PUDP: variants seen among roughly 807,000 people sequenced by gnomAD.
PUDP encodes the protein pseudouridine 5'-phosphatase.
In PUDP, 8 loss-of-function variants were observed where a neutral mutation model predicts 9.4. That is an observed-to-expected ratio of 0.85 (90% confidence interval 0.50 to 1.53). PUDP has a LOEUF of 1.53. Ranked by LOEUF, PUDP falls within the 40% of genes most tolerant of loss-of-function variation. The probability of loss-of-function intolerance (pLI) is 0.00; values close to 1 mark genes in which losing one functional copy is unlikely to be tolerated. For missense variants in PUDP, 188 were observed against 189.7 expected (o/e 0.99, Z 0.05); for synonymous variants, 99 against 80.7 (o/e 1.23, Z -1.22).
chrX:6,920,860 C>T (rs1029292453), intron 3 of PUDP, among the ~76,000 whole-genome samples: 10 of 111,544 alleles, frequency 9.0e-5, no homozygotes, highest in Non-Finnish European at 1.1e-4. Context: ...TTAACTAAGA[C>T]CTGTCTCAAA....
chrX:7,120,202 G>T (rs1167173273), intron 1 of PUDP, among the ~76,000 whole-genome samples: 1 of 112,001 alleles, frequency 8.9e-6, no homozygotes, highest in Non-Finnish European at 1.9e-5. Flanking sequence ...CAGAACCTGT[G>T]AATGTTAAAT....
chrX:7,143,640 G>C (rs1932818990), intron 1 of PUDP, among the ~76,000 whole-genome samples: 1 of 112,251 alleles, frequency 8.9e-6, no homozygotes, highest in Non-Finnish European at 1.9e-5. Flanking sequence ...ACCAAACGGA[G>C]CTAAATCTAT....
At chrX:6,968,301 T>C (rs1195931182) in intron 3 of PUDP, among the ~76,000 whole-genome samples, 2 of 112,112 alleles carry the variant, frequency 1.8e-5, no homozygotes, top group Non-Finnish European at 3.8e-5. Flanking sequence ...GAGACGCAAA[T>C]GCAAAATTCT....
chrX:6,742,493 G>C (rs1288956670), intron 3 of PUDP, among the ~76,000 whole-genome samples: 2 of 112,648 alleles, frequency 1.8e-5, no homozygotes, highest in African/African-American at 6.5e-5. Flanking sequence ...TTTGGGCTGA[G>C]TGTGGTGGCT....
intron 3 of PUDP, among the ~76,000 whole-genome samples, chrX:6,749,771 G>A (rs1925043696): frequency 8.9e-6 from 1 of 111,892 alleles, no homozygotes; most frequent in African/African-American, 3.2e-5. Context: ...CAACCTGAAG[G>A]AAATGAACAC....
At chrX:6,951,283 T>C (rs12851122) in intron 3 of PUDP, among the ~76,000 whole-genome samples, 9 of 108,318 alleles carry the variant, frequency 8.3e-5, no homozygotes, top group Admixed American at 2.0e-4. Flanking sequence ...CTAATCTATC[T>C]ATCCATCCAT....
intron 1 of PUDP, among the ~76,000 whole-genome samples, chrX:6,708,550 C>T (rs924044200): frequency 6.2e-5 from 7 of 112,118 alleles, no homozygotes; most frequent in South Asian, 3.8e-4. Flanking sequence ...ATGCTAATAC[C>T]GCTCACATCA....
At chrX:7,020,150 T>G (rs1475058705) in intron 1 of PUDP, among the ~76,000 whole-genome samples, 1 of 110,423 alleles carries the variant, frequency 9.1e-6, no homozygotes, top group African/African-American at 3.3e-5. Context: ...TTCGAGACAC[T>G]GGTGAAACAA....
chrX:6,920,283 G>A (rs1928001898), intron 3 of PUDP, among the ~76,000 whole-genome samples: 1 of 111,071 alleles, frequency 9.0e-6, no homozygotes, highest in African/African-American at 3.3e-5. Context: ...TTGGTCATTG[G>A]TCATCACCTA....
intron 3 of PUDP, among the ~76,000 whole-genome samples, chrX:7,063,906 G>A (rs920819409): frequency 1.8e-5 from 2 of 111,513 alleles, no homozygotes; most frequent in African/African-American, 6.5e-5. Flanking sequence ...CCTTGGCCTC[G>A]CTAAGTGCTG....
chrX:6,743,800 C>T (rs926445800), intron 3 of PUDP, among the ~76,000 whole-genome samples: 2 of 111,856 alleles, frequency 1.8e-5, no homozygotes, highest in African/African-American at 6.6e-5. Context: ...CCCCAAGTTC[C>T]AAAATGCCAA....
At chrX:7,020,021 TGAGA>T (rs756986095) in intron 1 of PUDP, among the ~76,000 whole-genome samples, 1 of 106,672 alleles carries the variant, frequency 9.4e-6, no homozygotes, top group Non-Finnish European at 1.9e-5. Flanking sequence ...GCAGGAAGAA[TGAGA>T]GAGAGAGAGA....
intron 3 of PUDP, among the ~76,000 whole-genome samples, chrX:6,749,339 G>A (rs1332034583): frequency 9.0e-6 from 1 of 111,536 alleles, no homozygotes; most frequent in East Asian, 2.8e-4. Flanking sequence ...ACTGTTGGAT[G>A]TGCCTGGTGA....
At chrX:7,002,162 A>T (rs1929334971) in intron 1 of PUDP, among the ~76,000 whole-genome samples, 1 of 112,205 alleles carries the variant, frequency 8.9e-6, no homozygotes, top group Non-Finnish European at 1.9e-5. Flanking sequence ...CTGAATGAAG[A>T]CTTTGTAAAA....
intron 1 of PUDP, among the ~76,000 whole-genome samples, chrX:7,007,348 A>G (rs1248755654): frequency 8.9e-6 from 1 of 112,141 alleles, no homozygotes; most frequent in Non-Finnish European, 1.9e-5. Context: ...TTAAGTTTCA[A>G]GTTTTAAGAC....
At chrX:6,816,994 GTATA>G (rs1220166089) in intron 3 of PUDP, among the ~76,000 whole-genome samples, 1 of 93,812 alleles carries the variant, frequency 1.1e-5, no homozygotes, top group Non-Finnish European at 2.0e-5. Flanking sequence ...ATACTATATA[GTATA>G]TATAATATAT....
At chrX:6,804,127 T>G (rs757547286) in intron 3 of PUDP, among the ~76,000 whole-genome samples, 1 of 111,710 alleles carries the variant, frequency 9.0e-6, no homozygotes, top group Non-Finnish European at 1.9e-5. Context: ...GAAAAGAGCA[T>G]GAAGCAATTC....
intron 3 of PUDP, among the ~76,000 whole-genome samples, chrX:6,840,981 TA>T (rs760612708): frequency 1.2e-3 from 138 of 111,951 alleles, no homozygotes; most frequent in Non-Finnish European, 1.8e-3. Context: ...AAAAAACATT[TA>T]AAAAATGCAT....
At chrX:7,119,766 T>TA (rs1932289311) in intron 1 of PUDP, among the ~76,000 whole-genome samples, 1 of 111,805 alleles carries the variant, frequency 8.9e-6, no homozygotes, top group African/African-American at 3.3e-5. Flanking sequence ...AAAAATCACT[T>TA]AAAAAATGAA....
Sources: gnomAD v4.1 joint callset for allele counts (sites outside exome capture counted in the v4.1 genomes callset) on GRCh38, gnomAD v4.1.1 for gene constraint, MANE v1.5 for transcripts, NCBI Gene and HGNC (gene_info 2026-07-23, HGNC 2026-07-21) for gene names.